ENTPD5: variants seen among roughly 807,000 people sequenced by gnomAD.
The protein encoded by ENTPD5 is nucleoside diphosphate phosphatase ENTPD5.
ENTPD5 carries 49 observed loss-of-function variants against 60.2 expected under a neutral mutation model. The ratio of observed to expected loss-of-function variants is 0.81; its 90% CI spans 0.65 to 1.03. The LOEUF is 1.03. Among genes scored for constraint, ENTPD5 ranks in the 50% least tolerant of loss-of-function variants. The pLI, the probability that ENTPD5 is intolerant of heterozygous loss-of-function variation, is 0.00. For missense variants in ENTPD5, 480 were observed against 507.6 expected (o/e 0.95, Z 0.52); for synonymous variants, 187 against 185.4 (o/e 1.01, Z -0.07).
At chr14:73,976,215 T>C in intron 9 of ENTPD5, 109 bp downstream of exon 9, 1 of 978,722 alleles carries the variant, frequency 1.0e-6, no homozygotes, top group Non-Finnish European at 1.6e-6. Flanking sequence ...TTGACTTGAC[T>C]CTGCCTAAGC....
At chr14:73,983,277 CCT>C (rs71907518) in intron 5 of ENTPD5, 116 bp from the exon 6 acceptor site, 15,822 of 1,063,596 alleles carry the variant, frequency 0.015, 185 homozygotes, top group Non-Finnish European at 0.019. Flanking sequence ...AGGGCTCCAA[CCT>C]CTCTCTGCTC....
At chr14:73,976,703 C>A (rs2057460676) in intron 8 of ENTPD5, among the ~76,000 whole-genome samples, 1 of 151,902 alleles carries the variant, frequency 6.6e-6, no homozygotes, top group South Asian at 2.1e-4. Flanking sequence ...ACCTCTGCCT[C>A]CTGGGTTCAA....
intron 5 of ENTPD5, among the ~76,000 whole-genome samples, chr14:73,984,798 G>T (rs186515778): frequency 6.6e-6 from 1 of 151,682 alleles, no homozygotes; most frequent in African/African-American, 2.4e-5. Flanking sequence ...ACAATGTGCA[G>T]GTTTGTTTGT....
intron 15 of ENTPD5, among the ~76,000 whole-genome samples, chr14:73,967,683 C>T (rs2057036499): frequency 6.6e-6 from 1 of 151,624 alleles, no homozygotes; most frequent in Admixed American, 6.6e-5. Flanking sequence ...ACCTGTAATC[C>T]CAGCTACTCA....
chr14:74,009,489 T>C (rs879061046), intron 3 of ENTPD5, among the ~76,000 whole-genome samples: 1 of 152,182 alleles, frequency 6.6e-6, no homozygotes, highest in Admixed American at 6.6e-5. Context: ...GATAAAAATA[T>C]TACAATGATA....
chr14:73,955,515 C>A, downstream of ENTPD5: 6 of 1,613,426 alleles, frequency 3.7e-6, no homozygotes, highest in Non-Finnish European at 5.1e-6. Context: ...TGCAGGTGCC[C>A]CTTTATCTTT....
intron 3 of ENTPD5, among the ~76,000 whole-genome samples, chr14:73,999,214 G>A (rs568322615): frequency 8.5e-5 from 13 of 152,266 alleles, no homozygotes; most frequent in Non-Finnish European, 1.3e-4. Flanking sequence ...GAAGCTAGGC[G>A]CAGTAGCTCA....
downstream of ENTPD5, chr14:73,963,023 T>G (rs1290160947): frequency 6.3e-7 from 1 of 1,582,894 alleles, no homozygotes; most frequent in African/African-American, 1.3e-5. Flanking sequence ...AAAGAAAGAT[T>G]ACGTTGATGA....
downstream of ENTPD5, chr14:73,959,480 C>T (rs781736259): frequency 6.2e-7 from 1 of 1,614,112 alleles, no homozygotes; most frequent in South Asian, 1.1e-5. Flanking sequence ...AGCTAGTTAG[C>T]ATGGATGAGG....
chr14:74,014,753 T>C (rs1001396920), intron 2 of ENTPD5, among the ~76,000 whole-genome samples: 1 of 152,134 alleles, frequency 6.6e-6, no homozygotes, highest in African/African-American at 2.4e-5. Context: ...TAGAATTCTA[T>C]ATTTGCAGCA....
intron 3 of ENTPD5, among the ~76,000 whole-genome samples, chr14:73,991,376 T>G (rs150472465): frequency 0.013 from 2,048 of 151,764 alleles, 68 homozygotes; most frequent in African/African-American, 0.048. Context: ...TCACTTGAGG[T>G]TAGGAGTTTG....
chr14:73,995,585 A>AAATAATAATAATAATAATAAT lies in ENTPD5; in HGVS notation c.-70-7434_-70-7414dup, dbSNP rs34846091. On this transcript the variant is annotated intron_variant, in intron 3 of 15. Coordinates refer to ENST00000334696, the MANE Select transcript of ENTPD5 (RefSeq NM_001249.5). ...CAGTGATAGAGAGAGACTCTATCTC[A>AAATAATAATAATAATAATAAT]AATAATAATAATAATAATAATAATA... Among the ~76,000 whole-genome samples, 15 of 144,220 alleles carry AAATAATAATAATAATAATAAT rather than the reference A, an allele frequency of 1.0e-4. 2 individuals are homozygous for AAATAATAATAATAATAATAAT. In the South Asian group the frequency reaches 1.6e-3, roughly 15 times the overall value. 94.6% of individuals were successfully genotyped at this position (144,220 alleles called of 152,430 possible).
At chr14:73,961,978 G>A, downstream of ENTPD5, 1 of 1,552,000 alleles carries the variant, frequency 6.4e-7, no homozygotes, top group South Asian at 1.1e-5. Context: ...ACAGAGTCTT[G>A]GTCTTATCGC....
At chr14:73,993,035 T>G (rs1447717100) in intron 3 of ENTPD5, among the ~76,000 whole-genome samples, 1 of 151,962 alleles carries the variant, frequency 6.6e-6, no homozygotes, top group Non-Finnish European at 1.5e-5. Context: ...TTAACTATAT[T>G]TGGAATTTTA....
intron 9 of ENTPD5, 39 bp from the exon 10 acceptor site, chr14:73,976,054 G>T: frequency 6.6e-7 from 1 of 1,506,982 alleles, no homozygotes; most frequent in Non-Finnish European, 9.2e-7. Flanking sequence ...TTCAGGATCT[G>T]TAATTACCTG....
intron 14 of ENTPD5, among the ~76,000 whole-genome samples, chr14:73,971,304 C>T (rs189527353): frequency 1.1e-3 from 165 of 151,920 alleles, no homozygotes; most frequent in Admixed American, 2.2e-3. Flanking sequence ...ATTACAGGCG[C>T]CTGCCACCTT....
At chr14:73,987,194 C>A in intron 4 of ENTPD5, 1 of 699,774 alleles carries the variant, frequency 1.4e-6, no homozygotes. Context: ...TTCAGGGATT[C>A]CTAGCCTCAT....
rs762858912 is a variant in ENTPD5, at chr14:73,972,982, A to C, written c.929T>G (p.Val310Gly). ...TGGCTGGTGAAGTTTTCCTCGTACC[A>C]CCCTCAGCACTTCGGCATAGCAGGG... ...FEPCYAEVLRVVRGKLHQPEE... is the reference protein window; with the variant it reads ...FEPCYAEVLRGVRGKLHQPEE... Residue 310 changes from valine (V) to glycine (G), a missense_variant, in exon 13 of 16, where the codon GTG (valine) becomes GGG (glycine). Val to Gly is a moderately radical substitution (Grantham distance 109). Transcript: ENST00000334696. The C allele has an allele frequency of 1.1e-5, 18 of 1,613,920 alleles. No homozygotes were observed. In the South Asian group the frequency reaches 1.8e-4, roughly 16 times the overall value.
At chr14:73,974,342 G>C (rs770853089) in intron 11 of ENTPD5, among the ~76,000 whole-genome samples, 1 of 152,134 alleles carries the variant, frequency 6.6e-6, no homozygotes, top group Non-Finnish European at 1.5e-5. Context: ...TTGCTGAGAG[G>C]CTTCAATTAA....
Sources: gnomAD v4.1 joint callset for allele counts (sites outside exome capture counted in the v4.1 genomes callset) on GRCh38, gnomAD v4.1.1 for gene constraint, MANE v1.5 for transcripts, NCBI Gene and HGNC (gene_info 2026-07-23, HGNC 2026-07-21) for gene names.